CXADR: variants seen among roughly 807,000 people sequenced by gnomAD.
CXADR encodes the protein CXADR cell adhesion molecule, also known as coxsackievirus and adenovirus receptor.
In CXADR, 20 loss-of-function variants were observed where a neutral mutation model predicts 40.3. The ratio of observed to expected loss-of-function variants is 0.50; its 90% CI spans 0.35 to 0.72. The LOEUF (loss-of-function observed/expected upper bound fraction) is 0.72. Ranked by LOEUF, CXADR falls within the 30% of genes least tolerant of loss-of-function variation. CXADR has a pLI of 0.01. For missense variants in CXADR, 332 were observed against 449.1 expected (o/e 0.74, Z 2.36); for synonymous variants, 150 against 161.3 (o/e 0.93, Z 0.53).
chr21:17,625,348 T>A, the CXADR span, among the ~76,000 whole-genome samples: 1 of 152,118 alleles, frequency 6.6e-6, no homozygotes, highest in Non-Finnish European at 1.5e-5. Flanking sequence ...TATTGCAGAT[T>A]TCAAAATACA....
At chr21:17,515,932 T>A (rs146167445) in intron 1 of CXADR, among the ~76,000 whole-genome samples, 1 of 152,336 alleles carries the variant, frequency 6.6e-6, no homozygotes, top group East Asian at 1.9e-4. Flanking sequence ...TAGATATTCC[T>A]CCAGCTCTGA....
Position 17,566,231 on chromosome 21 carries a change from A to T in CXADR, c.*539A>T. 2 of 978,692 alleles carry T rather than the reference A, an allele frequency of 2.0e-6. No individual in the cohort carries two copies. The highest frequency in any genetic ancestry group is 2.4e-6 in the Non-Finnish European group (2 of 823,800). The allele number at this position is 978,692 out of a possible 1,614,324, so 60.6% of individuals were successfully genotyped here. A position where few individuals can be genotyped will look rare whatever the true frequency, so the allele number is the denominator to read the frequency against. On this transcript the variant is annotated 3_prime_UTR_variant, in exon 7 of 7. Coordinates refer to ENST00000284878, the MANE Select transcript of CXADR (RefSeq NM_001338.5). Reference sequence around the variant, plus strand: ...CTGTGTTTGGAATATCTCTAAAAACATAGAAAACACTACAGTGGTTTAGAA... The same window carrying T: ...CTGTGTTTGGAATATCTCTAAAAACTTAGAAAACACTACAGTGGTTTAGAA...
the CXADR span, among the ~76,000 whole-genome samples, chr21:17,631,103 G>A: frequency 5.9e-5 from 9 of 152,182 alleles, no homozygotes; most frequent in Non-Finnish European, 1.2e-4. Context: ...ATGGAAATCT[G>A]AATAGTAAAA....
chr21:17,609,894 T>A, the CXADR span, among the ~76,000 whole-genome samples: 33 of 152,210 alleles, frequency 2.2e-4, no homozygotes, highest in Non-Finnish European at 4.0e-4. Flanking sequence ...CCCACAGCAG[T>A]ATTCATAATA....
At position 17,531,214 on chromosome 21, in the gene CXADR, G is replaced by A. The variant is rs371843725; in HGVS notation, c.44-15813G>A. Reference sequence around the variant, plus strand: ...TTCAGGAGGCTGAGGCAGGAGAATCGCTTGAACCAGGGAGGCGGAGGTTGC... The same window carrying A: ...TTCAGGAGGCTGAGGCAGGAGAATCACTTGAACCAGGGAGGCGGAGGTTGC... On this transcript the variant is annotated intron_variant, in intron 1 of 6. Coordinates refer to ENST00000284878, the MANE Select transcript of CXADR (RefSeq NM_001338.5). Among the ~76,000 whole-genome samples, 76 of 151,910 alleles carry A rather than the reference G, an allele frequency of 5.0e-4. 2 individuals carry two copies. The South Asian group carries it at 0.011, about 22-fold the overall frequency.
rs1384857980 is a variant in CXADR, at chr21:17,565,534, T to C, written c.940T>C (p.Ser314Pro). The C allele has an allele frequency of 6.2e-7, 1 of 1,613,940 alleles. No individual in the cohort carries two copies. The highest frequency in any genetic ancestry group is 1.1e-5 in the South Asian group (1 of 91,068). The change falls in exon 7 of 7, where the codon TCC (serine) becomes CCC (proline). Residue 314 changes from serine (S) to proline (P), a missense_variant. By Grantham distance (74) the Ser-to-Pro change is moderately conservative. Transcript: ENST00000284878. ...SMSPSNMEGY[S>P]KTQYNQVPSE... Reference sequence around the variant, plus strand: ...GTCTCCTTCCAACATGGAAGGATATTCCAAGACTCAGTATAACCAAGTACC... The same window carrying C: ...GTCTCCTTCCAACATGGAAGGATATCCCAAGACTCAGTATAACCAAGTACC...
chr21:17,528,039 G>A (rs1211547557), intron 1 of CXADR, among the ~76,000 whole-genome samples: 1 of 145,988 alleles, frequency 6.8e-6, no homozygotes, highest in Non-Finnish European at 1.5e-5. Flanking sequence ...ATTTTACTTA[G>A]GCAGTGCTCT....
In CXADR at chr21:17,566,684, G is replaced by A. The variant is rs17001851; in HGVS notation, c.*992G>A. 1,820 of 983,254 alleles carry A rather than the reference G, an allele frequency of 1.9e-3. 33 individuals carry two copies. The African/African-American group carries it at 0.028, about 15-fold the overall frequency. The allele number at this position is 983,254 out of a possible 1,614,324, so 60.9% of individuals were successfully genotyped here. ...TTTATGTTGTTGTTGTTTTTGGATGGTGTTACATATTATATGTTCTAGAAA... is the reference window on the plus strand; with the variant it reads ...TTTATGTTGTTGTTGTTTTTGGATGATGTTACATATTATATGTTCTAGAAA... On this transcript the variant is annotated 3_prime_UTR_variant, in exon 7 of 7. Coordinates refer to ENST00000284878, the MANE Select transcript of CXADR (RefSeq NM_001338.5).
intron 3 of CXADR, among the ~76,000 whole-genome samples, chr21:17,558,396 T>C (rs919015011): frequency 1.3e-5 from 2 of 152,198 alleles, no homozygotes; most frequent in Non-Finnish European, 2.9e-5. Flanking sequence ...GCCTCCAAAG[T>C]GCTGAGATTA....
intron 7 of CXADR, among the ~76,000 whole-genome samples, chr21:17,591,912 G>A (rs1429205050): frequency 6.6e-6 from 1 of 151,920 alleles, no homozygotes. Flanking sequence ...GTTGCTGAGT[G>A]ACAGTTTTAT....
intron 4 of CXADR, among the ~76,000 whole-genome samples, chr21:17,559,969 GA>G (rs987300140): frequency 8.5e-5 from 7 of 82,236 alleles, no homozygotes; most frequent in Non-Finnish European, 1.3e-4. Context: ...TGCGCCTGGC[GA>G]ATTTTTTTTT....
At chr21:17,632,823 C>A in the CXADR span, among the ~76,000 whole-genome samples, 1 of 151,942 alleles carries the variant, frequency 6.6e-6, no homozygotes, top group Non-Finnish European at 1.5e-5. Context: ...GAGCTGAGAT[C>A]GCCACCGCAC....
rs2061106308 is a variant in CXADR at position 17,560,722 on chromosome 21, T to G, written c.592T>G (p.Ser198Ala). 1 of 1,613,208 alleles carries G rather than the reference T, an allele frequency of 6.2e-7. No homozygotes were observed. The highest frequency in any genetic ancestry group is 1.3e-5 in the African/African-American group (1 of 75,052). Residue 198 changes from serine to alanine, a missense_variant, in exon 5 of 7, where the codon TCT becomes GCT. By Grantham distance (99) the Ser-to-Ala change is moderately conservative. Around this residue, in one of 3 missense-constraint regions of CXADR, gnomAD observed 20 missense variants for 56.4 expected, o/e 0.35. Transcript: ENST00000284878. ...CATAGAAATGACTTCATCTGTTATA[T>G]CTGTAAAAAATGCCTCTTCTGAGTA... ...WLAEMTSSVISVKNASSEYSG... is the reference protein window; with the variant it reads ...WLAEMTSSVIAVKNASSEYSG...
At chr21:17,605,053 G>GT in the CXADR span, 1 of 1,570,822 alleles carries the variant, frequency 6.4e-7, no homozygotes, top group Non-Finnish European at 8.7e-7. Context: ...CATAAACGCC[G>GT]TAATATCTAT....
intron 3 of CXADR, among the ~76,000 whole-genome samples, chr21:17,555,803 C>G (rs1437685814): frequency 3.3e-5 from 5 of 152,074 alleles, no homozygotes; most frequent in Non-Finnish European, 7.4e-5. Context: ...TATGTTATTT[C>G]TTATTTAACT....
chr21:17,527,071 A>G (rs1431754326), intron 1 of CXADR: 1 of 152,240 alleles, frequency 6.6e-6, no homozygotes, highest in African/African-American at 2.4e-5. Context: ...TTCTGAAATT[A>G]GGATCTATGT....
chr21:17,549,578 G>A (rs748281048), intron 2 of CXADR, among the ~76,000 whole-genome samples: 9 of 152,314 alleles, frequency 5.9e-5, no homozygotes, highest in Middle Eastern at 3.4e-3. Flanking sequence ...CAATGCCATC[G>A]TCCTTGCAGG....
At chr21:17,530,059 T>C (rs211968) in intron 1 of CXADR, among the ~76,000 whole-genome samples, 147,311 of 149,424 alleles carry the variant, frequency 0.99, 72,653 homozygotes, top group East Asian at 1. Flanking sequence ...AGCGATTCTC[T>C]TCCCTCAGCC....
the CXADR span, among the ~76,000 whole-genome samples, chr21:17,628,506 C>A: frequency 6.8e-6 from 1 of 146,380 alleles, no homozygotes; most frequent in Non-Finnish European, 1.5e-5. Flanking sequence ...TGTCCCAGTT[C>A]TTTTTTTTTT....
Sources: allele counts gnomAD v4.1 joint callset (sites outside exome capture counted in the v4.1 genomes callset), GRCh38; gene constraint gnomAD v4.1.1; regional missense constraint gnomAD v4.1.1; transcripts MANE v1.5; gene names NCBI Gene and HGNC (gene_info 2026-07-23, HGNC 2026-07-21).